PATL2: variants seen among roughly 807,000 people sequenced by gnomAD.
PATL2 encodes protein PAT1 homolog 2.
In PATL2, 73 loss-of-function variants were observed where a neutral mutation model predicts 77.0. That is an observed-to-expected ratio of 0.95 (90% CI 0.78 to 1.15). The LOEUF is 1.15. PATL2 is among the 50% of genes most tolerant of loss of function. The pLI is 0.00. For missense variants in PATL2, 618 were observed against 655.4 expected (o/e 0.94, Z 0.62); for synonymous variants, 265 against 257.1 (o/e 1.03, Z -0.29).
At chr15:44,686,284 T>C (rs1477912824) in intron 3 of PATL2, among the ~76,000 whole-genome samples, 5 of 152,162 alleles carry the variant, frequency 3.3e-5, no homozygotes, top group Non-Finnish European at 4.4e-5. Context: ...ACATGGAAAC[T>C]GAACAACCTG....
chr15:44,708,799 T>C (rs1882012079), intron 3 of PATL2, among the ~76,000 whole-genome samples: 1 of 152,260 alleles, frequency 6.6e-6, no homozygotes, highest in Admixed American at 6.5e-5. Context: ...TGTATAGACA[T>C]ATGCTTTCAT....
chr15:44,684,765 C>T (rs542206921), intron 3 of PATL2, among the ~76,000 whole-genome samples: 3 of 152,186 alleles, frequency 2.0e-5, no homozygotes, highest in Admixed American at 6.5e-5. Flanking sequence ...AGATATTCCT[C>T]GAGAAGAGCA....
At chr15:44,709,716 G>A (rs1013123428) in intron 3 of PATL2, among the ~76,000 whole-genome samples, 1 of 151,978 alleles carries the variant, frequency 6.6e-6, no homozygotes, top group African/African-American at 2.4e-5. Context: ...CTGTAAAATC[G>A]ACTTTTTTCT....
intron 14 of PATL2, 85 bp from the exon 15 acceptor site, chr15:44,668,567 G>A (rs1330831895): frequency 6.7e-6 from 10 of 1,484,922 alleles, no homozygotes; most frequent in Non-Finnish European, 9.0e-6. Context: ...TTCCCTCGCT[G>A]ACCTGTCTTT....
chr15:44,683,303 C>T (rs1245937329), intron 3 of PATL2, among the ~76,000 whole-genome samples: 1 of 152,096 alleles, frequency 6.6e-6, no homozygotes, highest in East Asian at 1.9e-4. Context: ...TCAGTGGATC[C>T]CACCCCCACA....
At chr15:44,683,280 C>CAA (rs1447713628) in intron 3 of PATL2, among the ~76,000 whole-genome samples, 1 of 152,080 alleles carries the variant, frequency 6.6e-6, no homozygotes, top group East Asian at 1.9e-4. Context: ...GCCAGGGAGC[C>CAA]AAGTGGTCTA....
intron 3 of PATL2, among the ~76,000 whole-genome samples, chr15:44,690,396 T>C (rs147623940): frequency 6.6e-6 from 1 of 151,600 alleles, no homozygotes; most frequent in East Asian, 1.9e-4. Flanking sequence ...TGGAGGGCAA[T>C]GGCACAGTCA....
At chr15:44,701,256 G>T (rs929832486) in intron 3 of PATL2, among the ~76,000 whole-genome samples, 3 of 143,792 alleles carry the variant, frequency 2.1e-5, no homozygotes, top group Non-Finnish European at 4.6e-5. Flanking sequence ...TTTGCCTGTA[G>T]TTTTTTTTTT....
At chr15:44,702,699 C>T (rs1374425539) in intron 3 of PATL2, among the ~76,000 whole-genome samples, 1 of 151,952 alleles carries the variant, frequency 6.6e-6, no homozygotes, top group Non-Finnish European at 1.5e-5. Context: ...TTTCCATTAT[C>T]ATTTGTTTCC....
At chr15:44,669,187 G>A in intron 13 of PATL2, 48 bp from the exon 14 acceptor site, 1 of 1,521,104 alleles carries the variant, frequency 6.6e-7, no homozygotes, top group Non-Finnish European at 8.9e-7. Flanking sequence ...ATAGAGGAGA[G>A]GGCTACATGC....
rs1371807841 is a variant in PATL2, at chr15:44,665,948, A to G, written c.*5T>C. 6.5e-7 allele frequency: 1 copy of G among 1,546,302 alleles called. No individual in the cohort carries two copies. Among genetic ancestry groups the G allele is most frequent in the South Asian group, 1.2e-5 (1 of 83,024 alleles). ...CCCACATACACGTATTCCAGAACAA[A>G]CAGATCAGTAAATCCAGGCAAACCT... On this transcript the variant is annotated 3_prime_UTR_variant, in exon 18 of 18. Transcript: ENST00000682850.
intron 16 of PATL2, 167 bp from the exon 17 acceptor site, chr15:44,666,708 GC>G: frequency 1.6e-6 from 1 of 641,482 alleles, no homozygotes. Context: ...AATGCTTAGT[GC>G]TTTACACATT....
At chr15:44,686,975 A>G (rs1037875486) in intron 3 of PATL2, among the ~76,000 whole-genome samples, 2 of 152,234 alleles carry the variant, frequency 1.3e-5, no homozygotes, top group Non-Finnish European at 2.9e-5. Context: ...TACCAGAGGT[A>G]CAATGAGGAG....
chr15:44,685,413 C>T (rs1320817593), intron 3 of PATL2, among the ~76,000 whole-genome samples: 1 of 152,154 alleles, frequency 6.6e-6, no homozygotes, highest in Non-Finnish European at 1.5e-5. Context: ...TTGAGACCAT[C>T]CTGGCCAACA....
At chr15:44,685,097 G>A (rs2086223946) in intron 3 of PATL2, among the ~76,000 whole-genome samples, 1 of 152,192 alleles carries the variant, frequency 6.6e-6, no homozygotes, top group Non-Finnish European at 1.5e-5. Flanking sequence ...CCTGAAGGAA[G>A]CACTAAACAT....
intron 9 of PATL2, among the ~76,000 whole-genome samples, 176 bp downstream of exon 9, chr15:44,671,839 A>C (rs1169205776): frequency 6.6e-6 from 1 of 152,162 alleles, no homozygotes; most frequent in African/African-American, 2.4e-5. Flanking sequence ...AGGAAGATAG[A>C]GAGAAATGAG....
Position 44,672,536 on chromosome 15 carries a change from G to A in PATL2, c.447-80C>T, listed in dbSNP as rs2141194098. The A allele has an allele frequency of 5.9e-6, 8 of 1,358,570 alleles. No homozygotes were observed. In the South Asian group the frequency reaches 9.0e-5, roughly 15 times the overall value. 84.2% of individuals were successfully genotyped at this position (1,358,570 alleles called of 1,614,324 possible). A position where few individuals can be genotyped will look rare whatever the true frequency, so the allele number is the denominator to read the frequency against. ...CCCTCCATTCATTCAGCCCAGGTCA[G>A]CTCTGATGGACATCTAAGGAACCTT... On this transcript the variant is annotated intron_variant, in intron 7 of 17. Transcript: ENST00000682850.
intron 3 of PATL2, among the ~76,000 whole-genome samples, chr15:44,693,443 G>A (rs2086436874): frequency 6.6e-6 from 1 of 152,098 alleles, no homozygotes; most frequent in African/African-American, 2.4e-5. Flanking sequence ...TGGCATCTCT[G>A]ACCATTCTTC....
Position 44,676,119 on chromosome 15 carries a change from T to C in PATL2, c.16+356A>G, listed in dbSNP as rs181360614. On this transcript the variant is annotated intron_variant, in intron 4 of 17. Coordinates refer to ENST00000682850, the MANE Select transcript of PATL2 (RefSeq NM_001387263.1). ...TCCTTCATTAAGTTCTAGCACAGCC[T>C]TTTCCATCTGCTCTGCCCCACCCAA... 394 of 363,632 alleles carry C rather than the reference T, an allele frequency of 1.1e-3. 3 individuals are homozygous for C. Among genetic ancestry groups the C allele is most frequent in the African/African-American group, 7.6e-3 (364 of 48,060 alleles). The allele number at this position is 363,632 out of a possible 1,614,324, so 22.5% of individuals were successfully genotyped here. A position where few individuals can be genotyped will look rare whatever the true frequency, so the allele number is the denominator to read the frequency against.
Sources: gnomAD v4.1 joint callset for allele counts (sites outside exome capture counted in the v4.1 genomes callset) on GRCh38, gnomAD v4.1.1 for gene constraint, MANE v1.5 for transcripts, NCBI Gene and HGNC (gene_info 2026-07-23, HGNC 2026-07-21) for gene names.